Variants in TMC3 observed in about 807,000 individuals in gnomAD.
TMC3 encodes the protein transmembrane channel-like protein 3.
TMC3 carries 98 observed loss-of-function variants against 110.6 expected under a neutral mutation model. The ratio of observed to expected loss-of-function variants is 0.89; its 90% CI spans 0.75 to 1.05. The LOEUF is 1.05. TMC3 is among the 50% of genes least tolerant of loss of function. The probability of loss-of-function intolerance (pLI) is 0.00; values close to 1 mark genes in which losing one functional copy is unlikely to be tolerated. For missense variants in TMC3, 1,319 were observed against 1,373.2 expected (o/e 0.96, Z 0.62); for synonymous variants, 489 against 513.1 (o/e 0.95, Z 0.63).
rs1336330848 is a variant in TMC3 at position 81,358,405 on chromosome 15, C to G, written c.597G>C (p.Leu199=). ...SAQDLDTVWS[L]GGYLQYSVLF... Reference sequence around the variant, plus strand: ...TGTGGCCAAGCATCAATCTCACCCCCAGAGACCAGACGGTGTCCAGGTCTT... The same window carrying G: ...TGTGGCCAAGCATCAATCTCACCCCGAGAGACCAGACGGTGTCCAGGTCTT... The change falls in exon 6 of 22, where the codon CTG becomes CTC. Residue 199 remains leucine, a synonymous_variant. Transcript: ENST00000359440. 2 of 1,612,796 alleles carry G rather than the reference C, an allele frequency of 1.2e-6. No homozygotes were observed. Among genetic ancestry groups the G allele is most frequent in the African/African-American group, 2.7e-5 (2 of 74,908 alleles).
intron 7 of TMC3, 149 bp from the exon 8 acceptor site, chr15:81,356,743 C>G: frequency 1.2e-6 from 1 of 839,454 alleles, no homozygotes; most frequent in Non-Finnish European, 1.8e-6. Flanking sequence ...AGGAGAGCAC[C>G]GACTGGATTT....
intron 11 of TMC3, among the ~76,000 whole-genome samples, chr15:81,348,733 G>C (rs972918473): frequency 1.3e-5 from 2 of 152,010 alleles, no homozygotes; most frequent in Non-Finnish European, 2.9e-5. Flanking sequence ...TCACCACTCA[G>C]AGTTAAACCA....
chr15:81,359,805 G>A (rs1172177212), intron 4 of TMC3, among the ~76,000 whole-genome samples: 1 of 152,048 alleles, frequency 6.6e-6, no homozygotes, highest in Admixed American at 6.5e-5. Flanking sequence ...TTAAGAATTT[G>A]GCATATTTCT....
At position 81,332,482 on chromosome 15, in the gene TMC3, C is replaced by T. The variant is rs779813617; in HGVS notation, c.3240G>A (p.Arg1080=). Residue 1080 remains arginine (R), a synonymous_variant, in exon 22 of 22, where the codon AGG becomes AGA. Transcript: ENST00000359440. ...FPRSVGQPSR[R]KAKSGQELTV... ...TCAGCTCCTGCCCCGACTTGGCCTT[C>T]CTCCTGCTGGGCTGGCCCACGGACC... 2 of 1,612,954 alleles carry T rather than the reference C, an allele frequency of 1.2e-6. No individual in the cohort carries two copies. The highest frequency in any genetic ancestry group is 1.1e-5 in the South Asian group (1 of 90,826).
Position 81,346,370 on chromosome 15 carries a change from T to C in TMC3, c.1267A>G (p.Ile423Val). 6.2e-7 allele frequency: 1 copy of C among 1,613,656 alleles called. No homozygotes were observed. Among genetic ancestry groups the C allele is most frequent in the Non-Finnish European group, 8.5e-7 (1 of 1,179,792 alleles). ...ALLDKVNSMS[I>V]EEMATKNNTS... ...TATCTGGGATGGGCACTCACCTCAATGCTCATGCTGTTAACTTTGTCCAGG... is the reference window on the plus strand; with the variant it reads ...TATCTGGGATGGGCACTCACCTCAACGCTCATGCTGTTAACTTTGTCCAGG... Residue 423 changes from isoleucine to valine, a missense_variant, in exon 12 of 22, where the codon ATT becomes GTT. Ile to Val is a conservative substitution (Grantham distance 29). Transcript: ENST00000359440.
At chr15:81,362,543 AC>A (rs1894211889) in intron 3 of TMC3, among the ~76,000 whole-genome samples, 1 of 152,066 alleles carries the variant, frequency 6.6e-6, no homozygotes, top group Admixed American at 6.5e-5. Flanking sequence ...TATAATATGC[AC>A]CTCAATACAG....
In TMC3 at chr15:81,349,486, T is replaced by C; in HGVS notation, c.1165A>G (p.Arg389Gly). The C allele has an allele frequency of 6.4e-7, 1 of 1,551,958 alleles. No homozygotes were observed. Among genetic ancestry groups the C allele is most frequent in the Non-Finnish European group, 8.7e-7 (1 of 1,148,620 alleles). The part of the protein sequence containing the change: ...LIAALEMYHP[R>G]TTLRFQLARV... ...GCAAGCTGGAAGCGCAGCGTGGTCC[T>C]GGGGTGGTACATCTCTAAGGCAGCA... The change falls in exon 11 of 22, where the codon AGG becomes GGG. Residue 389 changes from arginine (R) to glycine (G), a missense_variant. Physicochemically the swap from Arg to Gly is moderately radical, Grantham distance 125. Transcript: ENST00000359440.
chr15:81,356,627 G>A, intron 7 of TMC3, 33 bp from the exon 8 acceptor site: 1 of 1,567,490 alleles, frequency 6.4e-7, no homozygotes, highest in Non-Finnish European at 8.6e-7. Context: ...GGTCTTGGGA[G>A]TCTCAGGAAT....
At position 81,337,871 on chromosome 15, in the gene TMC3, T is replaced by C; in HGVS notation, c.2135A>G (p.His712Arg). The change falls in exon 19 of 22, where the codon CAC becomes CGC. Residue 712 changes from histidine to arginine, a missense_variant. His to Arg is a conservative substitution (Grantham distance 29). Transcript: ENST00000359440. Reference sequence around the variant, plus strand: ...GTTTTGGATCTGCATTTTGAGCTGGTGGTTGCTGAGCTTTAGAGACCGTGC... The same window carrying C: ...GTTTTGGATCTGCATTTTGAGCTGGCGGTTGCTGAGCTTTAGAGACCGTGC... ...SIARSLKLSN[H>R]QLKMQIQNAR... 1 of 1,614,016 alleles carries C rather than the reference T, an allele frequency of 6.2e-7. No homozygotes were observed. Among genetic ancestry groups the C allele is most frequent in the Non-Finnish European group, 8.5e-7 (1 of 1,179,862 alleles).
intron 2 of TMC3, among the ~76,000 whole-genome samples, chr15:81,371,481 T>C (rs1302863384): frequency 1.3e-5 from 2 of 152,236 alleles, no homozygotes; most frequent in African/African-American, 2.4e-5. Context: ...ACAGTGGTTC[T>C]GTCCACACTG....
At chr15:81,353,162 A>G (rs1251589229) in intron 9 of TMC3, among the ~76,000 whole-genome samples, 1 of 151,550 alleles carries the variant, frequency 6.6e-6, no homozygotes, top group Non-Finnish European at 1.5e-5. Context: ...AAAGTTAAAA[A>G]AATTAAAAAT....
intron 12 of TMC3, among the ~76,000 whole-genome samples, chr15:81,345,876 CAAAAAAGA>C (rs2141701776): frequency 6.8e-6 from 1 of 147,142 alleles, no homozygotes; most frequent in South Asian, 2.2e-4. Context: ...GACCCTGTCT[CAAAAAAGA>C]AAAAAAAAAA....
At chr15:81,345,347 A>G (rs984182867) in intron 12 of TMC3, among the ~76,000 whole-genome samples, 5 of 152,116 alleles carry the variant, frequency 3.3e-5, no homozygotes, top group African/African-American at 4.8e-5. Flanking sequence ...GTGAGTTGAA[A>G]CCTAATGCTC....
chr15:81,341,383 TACTC>T lies in TMC3; in HGVS notation c.1844+3_1844+6del. 6.2e-7 allele frequency: 1 copy of T among 1,607,552 alleles called. No homozygotes were observed. Among genetic ancestry groups the T allele is most frequent in the Middle Eastern group, 1.7e-4 (1 of 6,040 alleles). On this transcript the variant is annotated splice_donor_5th_base_variant and intron_variant, in intron 16 of 21. Transcript: ENST00000359440. ...TATCTGCATGATCAGATCTTATTCT[TACTC>T]ACCTTGAGGCTCGAAATACTTGCTG...
At position 81,349,454 on chromosome 15, in the gene TMC3, G is replaced by T; in HGVS notation, c.1193+4C>A. On this transcript the variant is annotated splice_donor_region_variant and intron_variant, in intron 11 of 21. Transcript: ENST00000359440. ...GGTGGCATTTCTGGGCAGGACTGTTGTACCTTGCAAGCTGGAAGCGCAGCG... is the reference window on the plus strand; with the variant it reads ...GGTGGCATTTCTGGGCAGGACTGTTTTACCTTGCAAGCTGGAAGCGCAGCG... The T allele has an allele frequency of 1.3e-6, 2 of 1,496,656 alleles. No homozygotes were observed. Among genetic ancestry groups the T allele is most frequent in the South Asian group, 1.4e-5 (1 of 71,222 alleles). The allele number at this position is 1,496,656 out of a possible 1,614,324, so 92.7% of individuals were successfully genotyped here.
intron 2 of TMC3, among the ~76,000 whole-genome samples, chr15:81,368,963 A>T (rs1405334114): frequency 1.3e-5 from 2 of 152,176 alleles, no homozygotes; most frequent in Admixed American, 6.5e-5. Flanking sequence ...GAACAACAGG[A>T]TTAGAAAATA....
rs201360263 is a variant in TMC3, at chr15:81,334,994, G to A, written c.2204-19C>T. 520 of 1,610,844 alleles carry A rather than the reference G, an allele frequency of 3.2e-4. 1 individual carries two copies. Among genetic ancestry groups the A allele is most frequent in the Non-Finnish European group, 4.3e-4 (511 of 1,177,420 alleles). On this transcript the variant is annotated intron_variant, in intron 20 of 21. Transcript: ENST00000359440. ...ATTCGGGCTGCAGGGAGAGGGAGGT[G>A]TTGTGAGAAGACAGGTGTCACTGAG...
rs781611109 is a variant in TMC3 at position 81,358,358 on chromosome 15, AC to A, written c.600+43del. 4 of 1,600,724 alleles carry A rather than the reference AC, an allele frequency of 2.5e-6. No individual in the cohort carries two copies. In the South Asian group the frequency reaches 4.5e-5, roughly 18 times the overall value. On this transcript the variant is annotated intron_variant, in intron 6 of 21. Coordinates refer to ENST00000359440, the MANE Select transcript of TMC3 (RefSeq NM_001080532.3). Reference sequence around the variant, plus strand: ...CAGGTCTCAGAACTGTGGCCCATTCACCCCTTCCCTCAAGACAAGAGTGTGG... The same window carrying A: ...CAGGTCTCAGAACTGTGGCCCATTCACCCTTCCCTCAAGACAAGAGTGTGG...
At chr15:81,363,269 G>T (rs948029298) in intron 3 of TMC3, among the ~76,000 whole-genome samples, 2 of 151,182 alleles carry the variant, frequency 1.3e-5, no homozygotes, top group South Asian at 4.2e-4. Flanking sequence ...AAAAAAAATT[G>T]TCTTATGTTT....
Sources: allele counts gnomAD v4.1 joint callset (sites outside exome capture counted in the v4.1 genomes callset), GRCh38; gene constraint gnomAD v4.1.1; transcripts MANE v1.5; gene names NCBI Gene and HGNC (gene_info 2026-07-23, HGNC 2026-07-21).